Variants in DPYD observed in about 807,000 individuals in gnomAD.
The protein encoded by DPYD is dihydropyrimidine dehydrogenase [NADP(+)].
A neutral mutation model predicts 116.2 loss-of-function variants in DPYD; 109 were observed. That is an observed-to-expected ratio of 0.94 (90% CI 0.80 to 1.10). DPYD has a LOEUF of 1.10. Among genes scored for constraint, DPYD ranks in the 50% least tolerant of loss-of-function variants. The probability of loss-of-function intolerance (pLI) is 0.00; values close to 1 mark genes in which losing one functional copy is unlikely to be tolerated. For missense variants in DPYD, 1,302 were observed against 1,254.5 expected (o/e 1.04, Z -0.57); for synonymous variants, 440 against 432.0 (o/e 1.02, Z -0.23).
chr1:97,264,939 ATATGGT>A (rs2100865710), intron 18 of DPYD, among the ~76,000 whole-genome samples: 1 of 152,238 alleles, frequency 6.6e-6, no homozygotes, highest in South Asian at 2.1e-4. Context: ...TGTGTCAAAG[ATATGGT>A]TATGAGAAAG....
At chr1:97,850,107 G>C (rs1418195692) in intron 2 of DPYD, among the ~76,000 whole-genome samples, 2 of 152,180 alleles carry the variant, frequency 1.3e-5, no homozygotes, top group Non-Finnish European at 2.9e-5. Context: ...ATAATGGACA[G>C]CTCATTCTCC....
intron 11 of DPYD, among the ~76,000 whole-genome samples, chr1:97,552,254 GCA>G (rs1651378285): frequency 6.6e-6 from 1 of 152,046 alleles, no homozygotes; most frequent in African/African-American, 2.4e-5. Flanking sequence ...CTTCACTTGA[GCA>G]CAGTGAATTG....
At chr1:97,730,527 T>A (rs1663533121) in intron 4 of DPYD, among the ~76,000 whole-genome samples, 1 of 152,056 alleles carries the variant, frequency 6.6e-6, no homozygotes, top group Non-Finnish European at 1.5e-5. Context: ...CCTGGCCTAC[T>A]TATCCTTTAA....
intron 18 of DPYD, among the ~76,000 whole-genome samples, chr1:97,303,743 T>C (rs1041986921): frequency 6.6e-6 from 1 of 152,032 alleles, no homozygotes; most frequent in African/African-American, 2.4e-5. Context: ...GAGGTACAAG[T>C]CCTTTAAAAT....
chr1:97,814,434 T>C (rs761717689), intron 3 of DPYD, among the ~76,000 whole-genome samples: 13 of 151,828 alleles, frequency 8.6e-5, no homozygotes, highest in Non-Finnish European at 1.6e-4. Flanking sequence ...AAGGAAAGAA[T>C]GTAAAAAGGG....
intron 13 of DPYD, among the ~76,000 whole-genome samples, chr1:97,505,995 T>C (rs1480574342): frequency 1.3e-5 from 2 of 151,978 alleles, no homozygotes; most frequent in Admixed American, 1.3e-4. Context: ...TTTGAGTGAA[T>C]ATTTAACTAA....
intron 5 of DPYD, among the ~76,000 whole-genome samples, chr1:97,701,426 T>C (rs969677314): frequency 6.6e-6 from 1 of 151,630 alleles, no homozygotes; most frequent in Non-Finnish European, 1.5e-5. Flanking sequence ...TGACTACCAA[T>C]AGAAGTGGCC....
At chr1:97,293,780 A>G (rs1485340210) in intron 18 of DPYD, among the ~76,000 whole-genome samples, 1 of 152,088 alleles carries the variant, frequency 6.6e-6, no homozygotes, top group African/African-American at 2.4e-5. Flanking sequence ...TATCTCTACT[A>G]AAAATACAAA....
chr1:97,709,371 T>C (rs556341768), intron 5 of DPYD, among the ~76,000 whole-genome samples: 1 of 151,888 alleles, frequency 6.6e-6, no homozygotes, highest in Non-Finnish European at 1.5e-5. Context: ...TACTTTTTAA[T>C]ATTTTTACTT....
intron 18 of DPYD, among the ~76,000 whole-genome samples, chr1:97,301,756 T>A (rs1666879523): frequency 6.6e-6 from 1 of 151,980 alleles, no homozygotes; most frequent in Non-Finnish European, 1.5e-5. Flanking sequence ...CATGCAGGAC[T>A]GATTCTTAAC....
chr1:97,315,841 A>G (rs910840301), intron 16 of DPYD, among the ~76,000 whole-genome samples: 3 of 151,960 alleles, frequency 2.0e-5, no homozygotes, highest in Non-Finnish European at 4.4e-5. Context: ...AGGGGAAAGA[A>G]AAGGTCCAAT....
chr1:97,587,683 C>T (rs1010272325), intron 10 of DPYD, among the ~76,000 whole-genome samples: 11 of 151,598 alleles, frequency 7.3e-5, no homozygotes, highest in Non-Finnish European at 1.3e-4. Flanking sequence ...AAAAATTAGA[C>T]GGGCATGGTG....
At chr1:97,781,518 T>G (rs1232455644) in intron 3 of DPYD, among the ~76,000 whole-genome samples, 1 of 152,192 alleles carries the variant, frequency 6.6e-6, no homozygotes, top group Non-Finnish European at 1.5e-5. Context: ...AACCCTTCTT[T>G]AACAACTAGA....
chr1:97,758,033 C>G (rs1665349927), intron 3 of DPYD, among the ~76,000 whole-genome samples: 1 of 152,104 alleles, frequency 6.6e-6, no homozygotes, highest in African/African-American at 2.4e-5. Flanking sequence ...TCATAGACAT[C>G]TCCCATCACA....
chr1:97,597,826 C>T (rs1459897961), intron 8 of DPYD, among the ~76,000 whole-genome samples: 1 of 152,130 alleles, frequency 6.6e-6, no homozygotes, highest in Non-Finnish European at 1.5e-5. Flanking sequence ...TAAAATAAGT[C>T]ATCTCTATCT....
chr1:97,825,782 G>T (rs1669208149), intron 3 of DPYD, among the ~76,000 whole-genome samples: 1 of 151,600 alleles, frequency 6.6e-6, no homozygotes, highest in African/African-American at 2.4e-5. Flanking sequence ...AAAAAAAAAA[G>T]AAAGAAAGAA....
chr1:97,509,308 G>A (rs183044883), intron 13 of DPYD, among the ~76,000 whole-genome samples: 1 of 151,996 alleles, frequency 6.6e-6, no homozygotes, highest in Non-Finnish European at 1.5e-5. Flanking sequence ...GCATTGTGAG[G>A]CAGGCAGAGC....
chr1:97,417,726 C>T (rs1674361836), intron 14 of DPYD, among the ~76,000 whole-genome samples: 1 of 152,076 alleles, frequency 6.6e-6, no homozygotes, highest in Non-Finnish European at 1.5e-5. Flanking sequence ...AACATTGAGT[C>T]CCATACAATA....
intron 20 of DPYD, among the ~76,000 whole-genome samples, chr1:97,099,471 T>C (rs1434472072): frequency 6.6e-6 from 1 of 152,134 alleles, no homozygotes; most frequent in Non-Finnish European, 1.5e-5. Context: ...TATCCCACAA[T>C]TATTTTCTCT....
Sources: allele counts gnomAD v4.1 joint callset (sites outside exome capture counted in the v4.1 genomes callset), GRCh38; gene constraint gnomAD v4.1.1; transcripts MANE v1.5; gene names NCBI Gene and HGNC (gene_info 2026-07-23, HGNC 2026-07-21).